Variants in CYP19A1 observed in about 807,000 individuals in gnomAD.
CYP19A1 encodes the protein aromatase.
In CYP19A1, 32 loss-of-function variants were observed where a neutral mutation model predicts 44.4. The observed-to-expected ratio is 0.72, with a 90% CI of 0.54 to 0.97. CYP19A1 has a LOEUF of 0.97. Ranked by LOEUF, CYP19A1 falls within the 50% of genes least tolerant of loss-of-function variation. The pLI, the probability that CYP19A1 is intolerant of heterozygous loss-of-function variation, is 0.00. For synonymous variants in CYP19A1, 212 were observed against 215.6 expected (o/e 0.98, Z 0.14); for missense variants, 598 against 637.8 (o/e 0.94, Z 0.67).
chr15:51,292,921 T>G (rs1002857815), intron 1 of CYP19A1, among the ~76,000 whole-genome samples: 2 of 151,878 alleles, frequency 1.3e-5, no homozygotes, highest in Admixed American at 6.6e-5. Context: ...TGCTTGGCAT[T>G]GAGGGGCATG....
chr15:51,251,423 G>T (rs2034304869), intron 1 of CYP19A1, among the ~76,000 whole-genome samples: 1 of 152,158 alleles, frequency 6.6e-6, no homozygotes, highest in Non-Finnish European at 1.5e-5. Flanking sequence ...ACCTGGATAT[G>T]ATAAGTTCTT....
In CYP19A1 at chr15:51,330,795, T is replaced by C. The variant is rs149434020; in HGVS notation, c.-39+7700A>G. On this transcript the variant is annotated intron_variant, in intron 1 of 9. Transcript: ENST00000396402. ...ATGGAAGCTCAGAGAGGAAGGAATG[T>C]CAAGGAGGAGGAAGTGATGAAGAGC... Among the ~76,000 whole-genome samples the C allele has an allele frequency of 2.6e-5, 4 of 152,258 alleles. No individual in the cohort carries two copies. In the East Asian group the frequency reaches 7.7e-4, roughly 29 times the overall value.
intron 1 of CYP19A1, among the ~76,000 whole-genome samples, chr15:51,304,890 C>CATTTTTTTTTTTTTTTTTTTTTTT (rs1555398466): frequency 1.9e-5 from 2 of 104,572 alleles, no homozygotes. Context: ...GTGTCTCTTC[C>CATTTTTTTTTTTTTTTTTTTTTTT]TTTTTTTTTT....
In CYP19A1 at chr15:51,258,045, T is replaced by G. The variant is rs138529053; in HGVS notation, c.-38-15095A>C. On this transcript the variant is annotated intron_variant, in intron 1 of 9. Coordinates refer to ENST00000396402, the MANE Select transcript of CYP19A1 (RefSeq NM_000103.4). Reference sequence around the variant, plus strand: ...TGTGAGTTAGCTGTTACCAATGAAGTCCAGAATAGAAGCAACTTGCTCAAG... The same window carrying G: ...TGTGAGTTAGCTGTTACCAATGAAGGCCAGAATAGAAGCAACTTGCTCAAG... Among the ~76,000 whole-genome samples the G allele has an allele frequency of 2.2e-3, 328 of 152,326 alleles. 1 individual carries two copies. The highest frequency in any genetic ancestry group is 4.1e-3 in the Non-Finnish European group (280 of 68,022).
chr15:51,326,352 C>T (rs1484001846), intron 1 of CYP19A1, among the ~76,000 whole-genome samples: 1 of 152,166 alleles, frequency 6.6e-6, no homozygotes, highest in South Asian at 2.1e-4. Context: ...GCATGGGCTG[C>T]CTCAGATGTC....
At chr15:51,216,679 C>A (rs1311350944) in intron 6 of CYP19A1, among the ~76,000 whole-genome samples, 1 of 152,124 alleles carries the variant, frequency 6.6e-6, no homozygotes, top group Non-Finnish European at 1.5e-5. Flanking sequence ...TAGTTTCTGC[C>A]ACATTGTAAA....
chr15:51,236,718 C>A, intron 3 of CYP19A1, 141 bp downstream of exon 3: 1 of 1,015,262 alleles, frequency 9.8e-7, no homozygotes, highest in Non-Finnish European at 1.5e-6. Flanking sequence ...TGTTAGATTT[C>A]TGGGGATTGC....
At chr15:51,302,726 A>G (rs539062878) in intron 1 of CYP19A1, among the ~76,000 whole-genome samples, 7 of 152,344 alleles carry the variant, frequency 4.6e-5, no homozygotes, top group Non-Finnish European at 8.8e-5. Context: ...TTCGAGGTCC[A>G]GCTCAAACGC....
chr15:51,324,751 T>C (rs1278304161), intron 1 of CYP19A1, among the ~76,000 whole-genome samples: 7 of 152,370 alleles, frequency 4.6e-5, no homozygotes, highest in African/African-American at 1.4e-4. Flanking sequence ...GTAGAGTAAA[T>C]GTTAACAGGA....
At chr15:51,211,638 A>C (rs1356019939) in intron 9 of CYP19A1, 1 of 434,946 alleles carries the variant, frequency 2.3e-6, no homozygotes, top group African/African-American at 2.0e-5. Context: ...TAGAAACAAA[A>C]TGAATTAGAG....
intron 4 of CYP19A1, among the ~76,000 whole-genome samples, chr15:51,225,415 TATTTC>T (rs2032488844): frequency 6.6e-6 from 1 of 152,214 alleles, no homozygotes; most frequent in South Asian, 2.1e-4. Context: ...CTTATAGCAT[TATTTC>T]ATTTGTTCTT....
At chr15:51,308,785 G>T (rs1011723710) in intron 1 of CYP19A1, among the ~76,000 whole-genome samples, 1 of 152,006 alleles carries the variant, frequency 6.6e-6, no homozygotes, top group African/African-American at 2.4e-5. Flanking sequence ...TCTGAGTCTC[G>T]GTCTCCTCGT....
At chr15:51,214,694 A>G (rs184406910) in intron 8 of CYP19A1, among the ~76,000 whole-genome samples, 3 of 152,352 alleles carry the variant, frequency 2.0e-5, no homozygotes, top group Non-Finnish European at 1.5e-5. Flanking sequence ...CCAACCATAA[A>G]TATGTGTTTG....
At chr15:51,238,403 A>G (rs866031255) in intron 2 of CYP19A1, among the ~76,000 whole-genome samples, 18 of 152,270 alleles carry the variant, frequency 1.2e-4, no homozygotes, top group African/African-American at 3.6e-4. Context: ...ATAGCTTGGC[A>G]CATTGTAGAT....
At chr15:51,276,734 G>A (rs2035322179) in intron 1 of CYP19A1, among the ~76,000 whole-genome samples, 1 of 152,186 alleles carries the variant, frequency 6.6e-6, no homozygotes, top group Non-Finnish European at 1.5e-5. Flanking sequence ...TTCAAGCAAA[G>A]TCTCCACAAA....
intron 1 of CYP19A1, among the ~76,000 whole-genome samples, chr15:51,308,257 G>A (rs1350656704): frequency 6.6e-6 from 1 of 152,166 alleles, no homozygotes; most frequent in African/African-American, 2.4e-5. Flanking sequence ...GAGGACAGGT[G>A]GGAGAGTAGA....
chr15:51,277,893 T>A (rs1475652145), intron 1 of CYP19A1: 2 of 150,654 alleles, frequency 1.3e-5, no homozygotes, highest in African/African-American at 4.9e-5. Flanking sequence ...CAAGACCAAC[T>A]AATAAGACCT....
At chr15:51,268,019 T>C (rs765486237) in intron 1 of CYP19A1, among the ~76,000 whole-genome samples, 17 of 152,206 alleles carry the variant, frequency 1.1e-4, no homozygotes, top group Non-Finnish European at 2.2e-4. Flanking sequence ...CCCCTAGGTT[T>C]CCTCCAGAGC....
chr15:51,230,725 T>G (rs2032961993), intron 3 of CYP19A1, among the ~76,000 whole-genome samples: 1 of 151,436 alleles, frequency 6.6e-6, no homozygotes, highest in Non-Finnish European at 1.5e-5. Context: ...TTCAAGCAAT[T>G]CTCGTGCCAC....
Sources: gnomAD v4.1 joint callset for allele counts (sites outside exome capture counted in the v4.1 genomes callset) on GRCh38, gnomAD v4.1.1 for gene constraint, MANE v1.5 for transcripts, NCBI Gene and HGNC (gene_info 2026-07-23, HGNC 2026-07-21) for gene names.